Variants in ATP10B observed in about 807,000 individuals in gnomAD.
The protein encoded by ATP10B is ATPase phospholipid transporting 10B (putative), also known as phospholipid-transporting ATPase VB.
A neutral mutation model predicts 141.2 loss-of-function variants in ATP10B; 122 were observed. The observed-to-expected ratio is 0.86, with a 90% confidence interval of 0.75 to 1.00. The LOEUF is 1.00. Ranked by LOEUF, ATP10B falls within the 50% of genes least tolerant of loss-of-function variation. The pLI is 0.00. For synonymous variants in ATP10B, 685 were observed against 692.0 expected (o/e 0.99, Z 0.16); for missense variants, 1,876 against 1,825.3 (o/e 1.03, Z -0.51).
chr5:160,616,551 A>T (rs1211784934), intron 16 of ATP10B, among the ~76,000 whole-genome samples: 1 of 152,240 alleles, frequency 6.6e-6, no homozygotes, highest in Non-Finnish European at 1.5e-5. Flanking sequence ...AGAGCACTCC[A>T]CCAGGCATGG....
rs1434500904 is a variant in ATP10B, at chr5:160,565,707, T to C, written c.4132A>G (p.Ser1378Gly). The change falls in exon 26 of 26, where the codon AGT (serine) becomes GGT (glycine). Residue 1378 changes from serine (S) to glycine (G), a missense_variant. Physicochemically the swap from Ser to Gly is moderately conservative, Grantham distance 56. Coordinates refer to ENST00000327245, the MANE Select transcript of ATP10B (RefSeq NM_025153.3). Reference sequence around the variant, plus strand: ...TTAGAGCTCTTTGGGGTGCTGGCACTGAAGTCCTGTCCTGTGATAGATGAC... The same window carrying C: ...TTAGAGCTCTTTGGGGTGCTGGCACCGAAGTCCTGTCCTGTGATAGATGAC... The part of the protein sequence containing the change: ...PVSSITGQDF[S>G]ASTPKSSNPP... The C allele has an allele frequency of 6.2e-7, 1 of 1,614,106 alleles. No individual in the cohort carries two copies. The highest frequency in any genetic ancestry group is 8.5e-7 in the Non-Finnish European group (1 of 1,179,980).
intron 6 of ATP10B, among the ~76,000 whole-genome samples, chr5:160,676,045 G>T (rs565497344): frequency 6.6e-6 from 1 of 152,168 alleles, no homozygotes. Flanking sequence ...TCACTGGGAC[G>T]TTTTTATTAA....
chr5:160,574,500 C>T (rs1755068712), intron 24 of ATP10B, among the ~76,000 whole-genome samples: 1 of 152,130 alleles, frequency 6.6e-6, no homozygotes, highest in African/African-American at 2.4e-5. Flanking sequence ...CCTTGAACTG[C>T]CCATGCCCAT....
intron 3 of ATP10B, among the ~76,000 whole-genome samples, chr5:160,694,854 A>G (rs1362924045): frequency 1.3e-5 from 2 of 152,204 alleles, no homozygotes; most frequent in Admixed American, 1.3e-4. Context: ...ATATATATTC[A>G]CCAACCAGGA....
intron 6 of ATP10B, chr5:160,684,814 C>A (rs1327791164): frequency 1.5e-6 from 1 of 667,796 alleles, no homozygotes; most frequent in Admixed American, 2.2e-5. Context: ...CCCAAGACTT[C>A]CCCAGAGTTT....
At chr5:160,792,947 A>G (rs150988819) in intron 1 of ATP10B, among the ~76,000 whole-genome samples, 1 of 152,298 alleles carries the variant, frequency 6.6e-6, no homozygotes, top group East Asian at 1.9e-4. Context: ...AGAGCACTTG[A>G]TGGAGGTGTG....
At chr5:160,920,085 G>A in the ATP10B span, among the ~76,000 whole-genome samples, 2 of 152,332 alleles carry the variant, frequency 1.3e-5, no homozygotes, top group South Asian at 2.1e-4. Context: ...GTGAAGGGAA[G>A]GTGGCAGTGA....
the ATP10B span, among the ~76,000 whole-genome samples, chr5:160,928,329 G>T: frequency 6.6e-6 from 1 of 152,160 alleles, no homozygotes; most frequent in Admixed American, 6.5e-5. Context: ...GGCCATTGAG[G>T]TCTGAGAGGA....
chr5:160,736,979 T>C (rs1353707379), intron 2 of ATP10B, among the ~76,000 whole-genome samples: 1 of 152,100 alleles, frequency 6.6e-6, no homozygotes, highest in Non-Finnish European at 1.5e-5. Context: ...GGCCAATATC[T>C]CTGATGAATA....
At chr5:160,767,826 C>G (rs375455216) in intron 2 of ATP10B, among the ~76,000 whole-genome samples, 22 of 152,220 alleles carry the variant, frequency 1.4e-4, no homozygotes, top group African/African-American at 4.1e-4. Context: ...TGTTTTTCCA[C>G]TATGAGTAGA....
chr5:160,738,685 A>T (rs1466988145), intron 2 of ATP10B, among the ~76,000 whole-genome samples: 1 of 152,160 alleles, frequency 6.6e-6, no homozygotes, highest in Non-Finnish European at 1.5e-5. Flanking sequence ...CAGACTGAAG[A>T]AGAAACAACA....
At chr5:160,765,143 C>T (rs1408895973) in intron 2 of ATP10B, among the ~76,000 whole-genome samples, 1 of 152,110 alleles carries the variant, frequency 6.6e-6, no homozygotes, top group African/African-American at 2.4e-5. Flanking sequence ...AATGACCATC[C>T]TGCCAAAAGC....
At chr5:160,618,865 T>G (rs201190132) in intron 15 of ATP10B, among the ~76,000 whole-genome samples, 2 of 5,804 alleles carry the variant, frequency 3.4e-4, no homozygotes, top group Admixed American at 1.5e-3. Flanking sequence ...TGGATTGAGA[T>G]TTTTTAAAGG....
chr5:160,897,970 G>T, the ATP10B span, among the ~76,000 whole-genome samples: 4 of 152,244 alleles, frequency 2.6e-5, no homozygotes, highest in South Asian at 8.3e-4. Context: ...AATGGTGTTG[G>T]GCAAACTGAC....
intron 3 of ATP10B, among the ~76,000 whole-genome samples, chr5:160,690,014 G>C (rs565243323): frequency 6.6e-6 from 1 of 152,014 alleles, no homozygotes; most frequent in East Asian, 1.9e-4. Flanking sequence ...CAGAGATATA[G>C]ACCAATGGAA....
chr5:160,876,633 T>C, the ATP10B span, among the ~76,000 whole-genome samples: 97 of 151,916 alleles, frequency 6.4e-4, no homozygotes, highest in Non-Finnish European at 8.1e-4. Flanking sequence ...ATTGATAGAC[T>C]GCTAGCAAGA....
intron 11 of ATP10B, among the ~76,000 whole-genome samples, chr5:160,635,149 A>T (rs1759265632): frequency 6.8e-6 from 1 of 146,588 alleles, no homozygotes; most frequent in Non-Finnish European, 1.5e-5. Context: ...AAGAATAAAG[A>T]AAAGAGGGTA....
chr5:160,832,912 C>T (rs183800970), intron 1 of ATP10B, among the ~76,000 whole-genome samples: 87 of 152,208 alleles, frequency 5.7e-4, no homozygotes, highest in African/African-American at 2.1e-3. Flanking sequence ...ACATTAGAAT[C>T]CTGGGCAAAT....
chr5:160,670,438 T>C lies in ATP10B; in HGVS notation c.675+25A>G, dbSNP rs371710894. ...TTGCATCCTTTCTATGACTTTACCATTGAAGATATTAGAAAGAGCCCTACC... is the reference window on the plus strand; with the variant it reads ...TTGCATCCTTTCTATGACTTTACCACTGAAGATATTAGAAAGAGCCCTACC... On this transcript the variant is annotated intron_variant, in intron 7 of 25. Transcript: ENST00000327245. The C allele has an allele frequency of 6.8e-6, 11 of 1,611,276 alleles. No individual in the cohort carries two copies. In the African/African-American group the frequency reaches 9.4e-5, roughly 14 times the overall value.
Sources: gnomAD v4.1 joint callset for allele counts (sites outside exome capture counted in the v4.1 genomes callset) on GRCh38, gnomAD v4.1.1 for gene constraint, MANE v1.5 for transcripts, NCBI Gene and HGNC (gene_info 2026-07-23, HGNC 2026-07-21) for gene names.